Variants in DCLK2 observed in about 807,000 individuals in gnomAD.
DCLK2 encodes serine/threonine-protein kinase DCLK2.
A neutral mutation model predicts 78.4 loss-of-function variants in DCLK2; 31 were observed. The ratio of observed to expected loss-of-function variants is 0.40; its 90% CI spans 0.30 to 0.53. The LOEUF is 0.53. Among genes scored for constraint, DCLK2 ranks in the 20% least tolerant of loss-of-function variants. DCLK2 has a pLI of 0.61. For synonymous variants in DCLK2, 407 were observed against 374.9 expected, an observed-to-expected ratio of 1.09 and a Z score of -0.99; for missense variants, 872 against 973.7, an observed-to-expected ratio of 0.90 and a Z score of 1.39.
At chr4:150,105,181 ATGGG>A (rs1731167894) in intron 2 of DCLK2, among the ~76,000 whole-genome samples, 1 of 152,170 alleles carries the variant, frequency 6.6e-6, no homozygotes, top group Non-Finnish European at 1.5e-5. Flanking sequence ...TTATGTTGAA[ATGGG>A]AACAGATTTT....
At chr4:150,251,776 A>C (rs1393533585) in intron 15 of DCLK2, among the ~76,000 whole-genome samples, 3 of 62,366 alleles carry the variant, frequency 4.8e-5, no homozygotes, top group African/African-American at 1.3e-4. Context: ...CACACACCCC[A>C]CGAGCATGCA....
At position 150,168,420 on chromosome 4, in the gene DCLK2, C is replaced by G. The variant is rs959721606; in HGVS notation, c.757-24718C>G. Reference sequence around the variant, plus strand: ...CTCAAGTCACCTACTTAGCCCTCTTCCAAGTGTAAAGACTTCCTTTCATTC... The same window carrying G: ...CTCAAGTCACCTACTTAGCCCTCTTGCAAGTGTAAAGACTTCCTTTCATTC... On this transcript the variant is annotated intron_variant, in intron 2 of 15. Coordinates refer to ENST00000296550, the MANE Select transcript of DCLK2 (RefSeq NM_001040260.4). Among the ~76,000 whole-genome samples the G allele has an allele frequency of 2.0e-5, 3 of 151,908 alleles. No homozygotes were observed. In the South Asian group the frequency reaches 6.2e-4, roughly 32 times the overall value.
At chr4:150,131,294 TA>T in intron 2 of DCLK2, among the ~76,000 whole-genome samples, 1 of 152,296 alleles carries the variant, frequency 6.6e-6, no homozygotes, top group Admixed American at 6.5e-5. Flanking sequence ...AATGTGATAT[TA>T]AAAATACATA....
chr4:150,117,901 G>T (rs1160965913), intron 2 of DCLK2, among the ~76,000 whole-genome samples: 1 of 152,162 alleles, frequency 6.6e-6, no homozygotes, highest in Admixed American at 6.5e-5. Context: ...ACGTGGTAGA[G>T]GCATGCAAAC....
At chr4:150,243,731 T>G (rs1481495395) in intron 12 of DCLK2, among the ~76,000 whole-genome samples, 1 of 151,972 alleles carries the variant, frequency 6.6e-6, no homozygotes, top group East Asian at 1.9e-4. Flanking sequence ...TAGTCTTTTT[T>G]TTTTCTTTTT....
chr4:150,089,643 C>T (rs552657224), intron 1 of DCLK2, among the ~76,000 whole-genome samples: 64 of 152,326 alleles, frequency 4.2e-4, no homozygotes, highest in African/African-American at 1.5e-3. Flanking sequence ...ACATTAGTTA[C>T]ATTGTCACTT....
At chr4:150,149,817 G>A (rs545778214) in intron 2 of DCLK2, among the ~76,000 whole-genome samples, 4 of 152,304 alleles carry the variant, frequency 2.6e-5, no homozygotes, top group South Asian at 2.1e-4. Context: ...ATTCTGTAAG[G>A]TTGATTGGGG....
At chr4:150,081,946 C>A (rs1446056631) in intron 1 of DCLK2, among the ~76,000 whole-genome samples, 1 of 140,102 alleles carries the variant, frequency 7.1e-6, no homozygotes, top group Admixed American at 7.5e-5. Context: ...TGCAGTGAGC[C>A]AAGATCACAC....
chr4:150,079,447 A>G lies in DCLK2; in HGVS notation c.420A>G (p.Glu140=). 1 of 1,509,738 alleles carries G rather than the reference A, an allele frequency of 6.6e-7. No homozygotes were observed. The highest frequency in any genetic ancestry group is 8.9e-7 in the Non-Finnish European group (1 of 1,124,962). 93.5% of individuals were successfully genotyped at this position (1,509,738 alleles called of 1,614,324 possible). A position where few individuals can be genotyped will look rare whatever the true frequency, so the allele number is the denominator to read the frequency against. ...RKVTSLDELL[E]GESYVCASNE... is the part of the protein sequence containing the mutation. ...TCACCAGCCTGGACGAGCTGCTGGA[A>G]GGTAGGAGGGGAGGGCGCCGCACGG... Residue 140 remains glutamate, a splice_region_variant and synonymous_variant, in exon 1 of 16, where the codon GAA becomes GAG. Coordinates refer to ENST00000296550, the MANE Select transcript of DCLK2 (RefSeq NM_001040260.4).
chr4:150,248,204 C>T (rs1743479093), intron 13 of DCLK2, 101 bp from the exon 14 acceptor site: 1 of 945,770 alleles, frequency 1.1e-6, no homozygotes, highest in Non-Finnish European at 1.7e-6. Context: ...GCTGTGCTGG[C>T]TCTTCTCTGA....
At chr4:150,228,988 T>TGCAGTCC (rs1352939931) in intron 8 of DCLK2, among the ~76,000 whole-genome samples, 1 of 150,336 alleles carries the variant, frequency 6.7e-6, no homozygotes, top group Non-Finnish European at 1.5e-5. Flanking sequence ...ATTGCGCCAC[T>TGCAGTCC]GCAGTCCGCA....
intron 8 of DCLK2, among the ~76,000 whole-genome samples, chr4:150,232,074 A>G (rs1426839291): frequency 6.6e-6 from 1 of 152,234 alleles, no homozygotes; most frequent in Non-Finnish European, 1.5e-5. Flanking sequence ...AGAAGACAGT[A>G]TGCTTAATAC....
chr4:150,221,049 T>C (rs1314576146), intron 6 of DCLK2, among the ~76,000 whole-genome samples: 1 of 152,236 alleles, frequency 6.6e-6, no homozygotes, highest in Non-Finnish European at 1.5e-5. Flanking sequence ...AACTTCTAAA[T>C]ATATTTCCTT....
chr4:150,119,056 A>AATAAT, intron 2 of DCLK2, among the ~76,000 whole-genome samples: 1 of 151,034 alleles, frequency 6.6e-6, no homozygotes, highest in East Asian at 1.9e-4. Context: ...TAATAATAAT[A>AATAAT]ATAATAATAA....
At chr4:150,185,571 G>A (rs115960374) in intron 2 of DCLK2, among the ~76,000 whole-genome samples, 2,032 of 152,084 alleles carry the variant, frequency 0.013, 46 homozygotes, top group African/African-American at 0.047. Context: ...AGAATTAGCC[G>A]GACGTGGTGG....
chr4:150,175,498 A>G (rs1184378528), intron 2 of DCLK2: 1 of 151,890 alleles, frequency 6.6e-6, no homozygotes, highest in Non-Finnish European at 1.5e-5. Context: ...GGGTCGGAGA[A>G]TTGGGACTCA....
At chr4:150,187,712 T>G (rs1738059179) in intron 2 of DCLK2, among the ~76,000 whole-genome samples, 2 of 152,142 alleles carry the variant, frequency 1.3e-5, no homozygotes, top group Admixed American at 1.3e-4. Flanking sequence ...TAAAAACACT[T>G]TAAATGGGTG....
intron 8 of DCLK2, among the ~76,000 whole-genome samples, chr4:150,229,054 A>C (rs184134412): frequency 2.0e-5 from 3 of 149,968 alleles, no homozygotes; most frequent in East Asian, 4.0e-4. Context: ...AAAAAAAAAA[A>C]CTATGGCTGG....
intron 1 of DCLK2, among the ~76,000 whole-genome samples, chr4:150,092,709 A>G (rs1730179493): frequency 6.6e-6 from 1 of 152,228 alleles, no homozygotes; most frequent in Non-Finnish European, 1.5e-5. Flanking sequence ...ATCTTAATAG[A>G]TGCAGAATGC....
Sources: gnomAD v4.1 joint callset for allele counts (sites outside exome capture counted in the v4.1 genomes callset) on GRCh38, gnomAD v4.1.1 for gene constraint, MANE v1.5 for transcripts, NCBI Gene and HGNC (gene_info 2026-07-23, HGNC 2026-07-21) for gene names.